Variants in KATNIP observed in about 807,000 individuals in gnomAD.
KATNIP encodes the protein katanin-interacting protein.
In KATNIP, 126 loss-of-function variants were observed where a neutral mutation model predicts 174.0. That is an observed-to-expected ratio of 0.72 (90% CI 0.63 to 0.84). The LOEUF (loss-of-function observed/expected upper bound fraction) is 0.84, where lower values mean the gene tolerates loss of function less well. Among genes scored for constraint, KATNIP ranks in the 40% least tolerant of loss-of-function variants. KATNIP has a pLI of 0.00. For missense variants in KATNIP, 1,958 were observed against 2,109.7 expected, an observed-to-expected ratio of 0.93 and a Z score of 1.41; for synonymous variants, 810 against 835.7, an observed-to-expected ratio of 0.97 and a Z score of 0.53.
chr16:27,754,078 T>G (rs2081619782), intron 17 of KATNIP, 95 bp from the exon 18 acceptor site: 1 of 963,806 alleles, frequency 1.0e-6, no homozygotes, highest in Admixed American at 1.8e-5. Flanking sequence ...GGGCATAGGG[T>G]GGGCAGTGGT....
intron 1 of KATNIP, among the ~76,000 whole-genome samples, chr16:27,572,087 AC>A (rs2090324911): frequency 6.6e-6 from 1 of 151,262 alleles, no homozygotes; most frequent in Non-Finnish European, 1.5e-5. Context: ...GCTCCCATAT[AC>A]CCCTGTCCCC....
intron 2 of KATNIP, chr16:27,574,280 C>G (rs1197588924): frequency 8.8e-6 from 3 of 339,466 alleles, no homozygotes; most frequent in African/African-American, 6.4e-5. Context: ...TTGGGCTTAT[C>G]TGGGCAGTTC....
At chr16:27,583,475 AG>A (rs1214352215) in intron 2 of KATNIP, among the ~76,000 whole-genome samples, 1 of 152,220 alleles carries the variant, frequency 6.6e-6, no homozygotes, top group African/African-American at 2.4e-5. Flanking sequence ...TACTCAGGAA[AG>A]GTATGTCTGC....
chr16:27,581,935 T>C (rs1399420581), intron 2 of KATNIP, among the ~76,000 whole-genome samples: 3 of 152,210 alleles, frequency 2.0e-5, no homozygotes, highest in Non-Finnish European at 4.4e-5. Flanking sequence ...TTCCTTTTTA[T>C]GGCTGAGTAG....
chr16:27,767,275 A>G (rs1246922558), intron 20 of KATNIP, among the ~76,000 whole-genome samples: 2 of 152,098 alleles, frequency 1.3e-5, no homozygotes, highest in African/African-American at 2.4e-5. Context: ...CTCCTCATCT[A>G]TAAAATGAGG....
rs771644328 is a variant in KATNIP at position 27,775,017 on chromosome 16, TC to T, written c.4383del (p.Ile1462SerfsTer4). 8 of 1,613,624 alleles carry T rather than the reference TC, an allele frequency of 5.0e-6. No individual in the cohort carries two copies. The highest frequency in any genetic ancestry group is 6.8e-6 in the Non-Finnish European group (8 of 1,179,874). On this transcript the variant is annotated frameshift_variant, in exon 24 of 28. Transcript: ENST00000261588. LOFTEE classifies it high-confidence loss of function. ...GGGGACGTCCGCACCCCAGACAAGCTCATCGACCAAGTGAACGACACCAGTG... is the reference window on the plus strand; with the variant it reads ...GGGGACGTCCGCACCCCAGACAAGCTATCGACCAAGTGAACGACACCAGTG... ...VGGDVRTPDKLIDQVNDTSDG... is the reference protein window; with the variant it reads ...VGGDVRTPDKXIDQVNDTSDG...
At chr16:27,600,678 T>A (rs1283121635) in intron 2 of KATNIP, among the ~76,000 whole-genome samples, 124 of 151,072 alleles carry the variant, frequency 8.2e-4, no homozygotes, top group Non-Finnish European at 4.4e-5. Context: ...GCCCCGCCAG[T>A]AATCCCAGGC....
chr16:27,723,734 C>A (rs553719180), intron 14 of KATNIP, among the ~76,000 whole-genome samples: 1 of 152,176 alleles, frequency 6.6e-6, no homozygotes, highest in Admixed American at 6.5e-5. Flanking sequence ...GTGGCTTGCA[C>A]GAGACCACAT....
intron 2 of KATNIP, among the ~76,000 whole-genome samples, chr16:27,580,287 A>AT (rs903343860): frequency 6.6e-6 from 1 of 151,906 alleles, no homozygotes; most frequent in African/African-American, 2.4e-5. Flanking sequence ...TAATTGTTGT[A>AT]TTTTTTGTAG....
chr16:27,654,673 A>G (rs1958468730), intron 6 of KATNIP: 1 of 1,351,388 alleles, frequency 7.4e-7, no homozygotes, highest in Non-Finnish European at 9.8e-7. Flanking sequence ...ATGCATGTGG[A>G]CATTCTGACC....
At chr16:27,770,120 G>GGA in intron 21 of KATNIP, 102 bp downstream of exon 21, 2 of 1,311,764 alleles carry the variant, frequency 1.5e-6, no homozygotes, top group Non-Finnish European at 2.1e-6. Context: ...TTGAAACGAT[G>GGA]ATCAAACGCA....
At chr16:27,702,156 T>C (rs575654284) in intron 11 of KATNIP, among the ~76,000 whole-genome samples, 2 of 152,306 alleles carry the variant, frequency 1.3e-5, no homozygotes, top group South Asian at 2.1e-4. Flanking sequence ...ATTGACTTGA[T>C]TTCTTTTAGG....
At chr16:27,693,626 T>A (rs546930035) in intron 8 of KATNIP, among the ~76,000 whole-genome samples, 10 of 152,100 alleles carry the variant, frequency 6.6e-5, no homozygotes, top group Admixed American at 4.6e-4. Context: ...TGACCTCAGG[T>A]GATCCACCTG....
At chr16:27,552,820 A>G (rs1324889589) in intron 1 of KATNIP, among the ~76,000 whole-genome samples, 1 of 147,746 alleles carries the variant, frequency 6.8e-6, no homozygotes, top group Non-Finnish European at 1.5e-5. Flanking sequence ...TCAGCCTCCC[A>G]AGTAGCTGGG....
chr16:27,767,218 A>C (rs1370608210), intron 20 of KATNIP, among the ~76,000 whole-genome samples: 1 of 152,018 alleles, frequency 6.6e-6, no homozygotes. Context: ...CTTGGACCCA[A>C]CCAGCTGCGT....
rs1185042617 is a variant in KATNIP at position 27,776,107 on chromosome 16, C to T, written c.4450-821C>T. Reference sequence around the variant, plus strand: ...AACATCTGTATCTGCTTGAGCCTCACAGGCAACTGAGTTTGGAGACCCTCA... The same window carrying T: ...AACATCTGTATCTGCTTGAGCCTCATAGGCAACTGAGTTTGGAGACCCTCA... On this transcript the variant is annotated intron_variant, in intron 24 of 27. Coordinates refer to ENST00000261588, the MANE Select transcript of KATNIP (RefSeq NM_015202.5). The surrounding 1 kb of genome is among the most constrained non-coding windows in gnomAD (Gnocchi z 4.7). Among the ~76,000 whole-genome samples the T allele has an allele frequency of 6.6e-6, 1 of 152,166 alleles. No homozygotes were observed. The highest frequency in any genetic ancestry group is 1.5e-5 in the Non-Finnish European group (1 of 68,024).
chr16:27,703,125 C>T (rs2079160309), intron 11 of KATNIP, among the ~76,000 whole-genome samples: 2 of 151,952 alleles, frequency 1.3e-5, no homozygotes, highest in Admixed American at 1.3e-4. Context: ...CGAGACTGTG[C>T]CATTGCACTC....
chr16:27,592,694 T>C (rs1384876232), intron 2 of KATNIP, among the ~76,000 whole-genome samples: 2 of 152,064 alleles, frequency 1.3e-5, no homozygotes, highest in African/African-American at 4.8e-5. Flanking sequence ...TGTTGTTCAT[T>C]GTGATAGAGG....
chr16:27,599,839 G>A (rs142200108), intron 2 of KATNIP, among the ~76,000 whole-genome samples: 7 of 152,254 alleles, frequency 4.6e-5, no homozygotes, highest in Non-Finnish European at 7.4e-5. Flanking sequence ...CCTCAGTCCC[G>A]TGTCAGTCTC....
Sources: allele counts gnomAD v4.1 joint callset (sites outside exome capture counted in the v4.1 genomes callset), GRCh38; gene constraint gnomAD v4.1.1; non-coding constraint Gnocchi (gnomAD v3.1); transcripts MANE v1.5; gene names NCBI Gene and HGNC (gene_info 2026-07-23, HGNC 2026-07-21).